SALL3: variants seen among roughly 807,000 people sequenced by gnomAD.
SALL3 encodes spalt like transcription factor 3, also known as sal-like protein 3.
A neutral mutation model predicts 66.2 loss-of-function variants in SALL3; 25 were observed. The ratio of observed to expected loss-of-function variants is 0.38; its 90% CI spans 0.28 to 0.53. The LOEUF (loss-of-function observed/expected upper bound fraction) is 0.53. Among genes scored for constraint, SALL3 ranks in the 20% least tolerant of loss-of-function variants. SALL3 has a pLI of 0.85. For missense variants in SALL3, 2,194 were observed against 1,916.5 expected (o/e 1.14, Z -2.70); for synonymous variants, 1,152 against 899.1 (o/e 1.28, Z -5.03).
At chr18:78,980,388 G>T (rs1225333550) in intron 1 of SALL3, 32 bp downstream of exon 1, 3 of 1,316,946 alleles carry the variant, frequency 2.3e-6, no homozygotes, top group Non-Finnish European at 2.0e-6. Flanking sequence ...TGGCCGGGGG[G>T]TCTGGGGCTG....
chr18:78,993,270 A>C lies in SALL3; in HGVS notation c.1279A>C (p.Lys427Gln). ...CAAGCACAAATGCCGCTTCTGCGCC[A>C]AGGTCTTCGGCAGCGACAGCGCGCT... Reference protein sequence around the residue: ...FFKHKCRFCAKVFGSDSALQI... With the variant: ...FFKHKCRFCAQVFGSDSALQI... Residue 427 changes from lysine to glutamine, a missense_variant, in exon 2 of 3, where the codon AAG (lysine) becomes CAG (glutamine). Transcript: ENST00000537592. 6.2e-7 allele frequency: 1 copy of C among 1,610,604 alleles called. No homozygotes were observed. Among genetic ancestry groups the C allele is most frequent in the South Asian group, 1.1e-5 (1 of 90,960 alleles).
rs746727495 is a variant in SALL3 at position 78,995,217 on chromosome 18, G to A, written c.3226G>A (p.Glu1076Lys). The change falls in exon 2 of 3, where the codon GAG becomes AAG. Residue 1076 changes from glutamate to lysine, a missense_variant. Physicochemically the swap from Glu to Lys is moderately conservative, Grantham distance 56. Transcript: ENST00000537592. ...NGHGKAMALG[E>K]GPPLPAGVQV... is the part of the protein sequence containing the mutation. ...TCACGGCAAGGCCATGGCGCTGGGC[G>A]AGGGTCCCCCGCTGCCCGCGGGCGT... The A allele has an allele frequency of 1.2e-5, 20 of 1,607,606 alleles. No individual in the cohort carries two copies. Among genetic ancestry groups the A allele is most frequent in the Non-Finnish European group, 5.1e-6 (6 of 1,179,914 alleles).
intron 1 of SALL3, among the ~76,000 whole-genome samples, chr18:78,984,375 A>C (rs1386972681): frequency 2.0e-5 from 3 of 151,860 alleles, no homozygotes; most frequent in Admixed American, 1.3e-4. Flanking sequence ...GATATGCACC[A>C]TCTTTCAGTG....
Position 78,993,207 on chromosome 18 carries a change from G to T in SALL3, c.1216G>T (p.Val406Leu). The change falls in exon 2 of 3, where the codon GTG becomes TTG. Residue 406 changes from valine (V) to leucine (L), a missense_variant. Coordinates refer to ENST00000537592, the MANE Select transcript of SALL3 (RefSeq NM_171999.4). ...CAAGGGCAAGCCGCCCAATGTGTCG[G>T]TGTTCGAGCCCAAAGCCAGCGCCGA... ...HRKGKPPNVS[V>L]FEPKASAEDP... The T allele has an allele frequency of 6.2e-7, 1 of 1,611,350 alleles. No individual in the cohort carries two copies. Among genetic ancestry groups the T allele is most frequent in the South Asian group, 1.1e-5 (1 of 90,902 alleles).
In SALL3 at chr18:78,979,836, A is replaced by G. The variant is rs1555704415; in HGVS notation, c.-439A>G. 7.0e-6 allele frequency among the ~76,000 whole-genome samples: 1 copy of G among 142,284 alleles called. No individual in the cohort carries two copies. The highest frequency in any genetic ancestry group is 1.6e-5 in the Non-Finnish European group (1 of 64,512). 93.3% of individuals were successfully genotyped at this position (142,284 alleles called of 152,430 possible). On this transcript the variant is annotated 5_prime_UTR_variant, in exon 1 of 3. Transcript: ENST00000537592. ...CGCCGGCGGAGACGGCGCCGCGCGG[A>G]CGCCGCCAAAGTTTGCTGCCTGCGC...
chr18:78,994,279 G>A lies in SALL3; in HGVS notation c.2288G>A (p.Gly763Asp), dbSNP rs530832810. 4 of 1,613,750 alleles carry A rather than the reference G, an allele frequency of 2.5e-6. No individual in the cohort carries two copies. In the Admixed American group the frequency reaches 6.7e-5, roughly 27 times the overall value. ...CAGCAGCACATCCGCATGCACATGGGCGGCCAGATCCCCAACACGCCGCTG... is the reference window on the plus strand; with the variant it reads ...CAGCAGCACATCCGCATGCACATGGACGGCCAGATCCCCAACACGCCGCTG... ...VLQQHIRMHMGGQIPNTPLPE... is the reference protein window; with the variant it reads ...VLQQHIRMHMDGQIPNTPLPE... The change falls in exon 2 of 3, where the codon GGC becomes GAC. Residue 763 changes from glycine (G) to aspartate (D), a missense_variant. Transcript: ENST00000537592.
chr18:78,987,200 T>G (rs551152827), intron 1 of SALL3, among the ~76,000 whole-genome samples: 2 of 152,288 alleles, frequency 1.3e-5, no homozygotes, highest in South Asian at 4.1e-4. Context: ...AAAAAGATCA[T>G]CCAGGCTAAA....
chr18:78,985,976 T>A (rs1317953948), intron 1 of SALL3, among the ~76,000 whole-genome samples: 1 of 152,220 alleles, frequency 6.6e-6, no homozygotes, highest in Non-Finnish European at 1.5e-5. Flanking sequence ...CTGACATATT[T>A]CAGGTCTGCG....
In SALL3 at chr18:78,994,337, G is replaced by A; in HGVS notation, c.2346G>A (p.Glu782=). The A allele has an allele frequency of 1.2e-6, 2 of 1,613,640 alleles. No homozygotes were observed. The highest frequency in any genetic ancestry group is 8.5e-7 in the Non-Finnish European group (1 of 1,180,020). ...PEGFQDAMDS[E]LAYDDKNAET... is the part of the protein sequence containing the mutation. The stretch of plus-strand genomic sequence containing the variant: ...GCTTCCAGGATGCCATGGACTCCGA[G>A]CTGGCCTACGACGACAAGAACGCGG... The change falls in exon 2 of 3, where the codon GAG becomes GAA. Residue 782 remains glutamate (E), a synonymous_variant. Transcript: ENST00000537592.
chr18:78,995,718 T>A (rs1914669883), intron 2 of SALL3, among the ~76,000 whole-genome samples: 1 of 152,118 alleles, frequency 6.6e-6, no homozygotes, highest in South Asian at 2.1e-4. Context: ...TGTGTGCATG[T>A]GTAGGTGCCC....
In SALL3 at chr18:78,998,104, A is replaced by G. The variant is rs955014660; in HGVS notation, c.*782A>G. ...TGGTCTGTAGCCCAATAACTGGGGA[A>G]CGAGTTACAGACAAACATCACCGTA... On this transcript the variant is annotated 3_prime_UTR_variant, in exon 3 of 3. Coordinates refer to ENST00000537592, the MANE Select transcript of SALL3 (RefSeq NM_171999.4). The G allele has an allele frequency of 1.3e-5, 2 of 152,116 alleles. No individual in the cohort carries two copies. The highest frequency in any genetic ancestry group is 6.6e-5 in the Admixed American group (1 of 15,212). 9.4% of individuals were successfully genotyped at this position (152,116 alleles called of 1,614,324 possible). A position where few individuals can be genotyped will look rare whatever the true frequency, so the allele number is the denominator to read the frequency against.
Position 78,984,176 on chromosome 18 carries a change from A to G in SALL3, c.82+3820A>G, listed in dbSNP as rs1218056825. Among the ~76,000 whole-genome samples, 8 of 152,320 alleles carry G rather than the reference A, an allele frequency of 5.3e-5. No individual in the cohort carries two copies. In the South Asian group the frequency reaches 1.5e-3, roughly 28 times the overall value. The stretch of plus-strand genomic sequence containing the variant: ...GGGTCAAATTTCATTTCCAACTGCA[A>G]TCTCTAAGAAGCTGTACCATTCATT... On this transcript the variant is annotated intron_variant, in intron 1 of 2. Coordinates refer to ENST00000537592, the MANE Select transcript of SALL3 (RefSeq NM_171999.4).
chr18:78,980,383 G>C lies in SALL3; in HGVS notation c.82+27G>C, dbSNP rs1027868835. Reference sequence around the variant, plus strand: ...TGAGGGCCGGGGCTGCGGGGTGGCCGGGGGGTCTGGGGCTGCCCGTCCGGG... The same window carrying C: ...TGAGGGCCGGGGCTGCGGGGTGGCCCGGGGGTCTGGGGCTGCCCGTCCGGG... On this transcript the variant is annotated intron_variant, in intron 1 of 2. Coordinates refer to ENST00000537592, the MANE Select transcript of SALL3 (RefSeq NM_171999.4). 7 of 1,332,854 alleles carry C rather than the reference G, an allele frequency of 5.3e-6. No homozygotes were observed. The Admixed American group carries it at 1.1e-4, about 21-fold the overall frequency. 82.6% of individuals were successfully genotyped at this position (1,332,854 alleles called of 1,614,324 possible). A position where few individuals can be genotyped will look rare whatever the true frequency, so the allele number is the denominator to read the frequency against.
chr18:78,994,656 C>T lies in SALL3; in HGVS notation c.2665C>T (p.Arg889Cys). Residue 889 changes from arginine to cysteine, a missense_variant, in exon 2 of 3, where the codon CGC becomes TGC. Arg to Cys is a radical substitution (Grantham distance 180). Coordinates refer to ENST00000537592, the MANE Select transcript of SALL3 (RefSeq NM_171999.4). ...SSSAVGDLESRSAGSPALSES... is the reference protein window; with the variant it reads ...SSSAVGDLESCSAGSPALSES... ...GTCGGCCGTGGGCGACCTGGAGAGC[C>T]GCAGCGCGGGCAGCCCCGCCCTGTC... The T allele has an allele frequency of 1.9e-6, 3 of 1,609,180 alleles. No individual in the cohort carries two copies. Among genetic ancestry groups the T allele is most frequent in the Non-Finnish European group, 1.7e-6 (2 of 1,178,796 alleles).
chr18:78,994,426 A>G lies in SALL3; in HGVS notation c.2435A>G (p.Lys812Arg). The stretch of plus-strand genomic sequence containing the variant: ...TCCATGGAGGACGACGCTGAGCTGA[A>G]GGACGCGGCCACCGACCCGGCCAAG... ...ENSMEDDAEL[K>R]DAATDPAKPL... The change falls in exon 2 of 3, where the codon AAG becomes AGG. Residue 812 changes from lysine to arginine, a missense_variant. Transcript: ENST00000537592. 1 of 1,612,610 alleles carries G rather than the reference A, an allele frequency of 6.2e-7. No homozygotes were observed. The highest frequency in any genetic ancestry group is 8.5e-7 in the Non-Finnish European group (1 of 1,179,944).
chr18:78,990,813 C>A (rs942340971), intron 1 of SALL3, among the ~76,000 whole-genome samples: 1 of 152,166 alleles, frequency 6.6e-6, no homozygotes, highest in Non-Finnish European at 1.5e-5. Context: ...AATATCCAGG[C>A]GAGCACAGAG....
chr18:78,981,650 G>A (rs1337343628), intron 1 of SALL3, among the ~76,000 whole-genome samples: 2 of 152,320 alleles, frequency 1.3e-5, no homozygotes, highest in African/African-American at 2.4e-5. Context: ...GTGGAGGTAA[G>A]GGAGTCTTAT....
In SALL3 at chr18:78,979,899, C is replaced by T. The variant is rs1476973780; in HGVS notation, c.-376C>T. Among the ~76,000 whole-genome samples the T allele has an allele frequency of 6.9e-6, 1 of 144,510 alleles. No homozygotes were observed. The highest frequency in any genetic ancestry group is 2.5e-5 in the African/African-American group (1 of 40,336). 94.8% of individuals were successfully genotyped at this position (144,510 alleles called of 152,430 possible). On this transcript the variant is annotated 5_prime_UTR_variant, in exon 1 of 3. Coordinates refer to ENST00000537592, the MANE Select transcript of SALL3 (RefSeq NM_171999.4). ...CGGCCACCGCGGCCCGCGCCGCACCCGGGCCCCGCCACAGCCGCACCCGGG... is the reference window on the plus strand; with the variant it reads ...CGGCCACCGCGGCCCGCGCCGCACCTGGGCCCCGCCACAGCCGCACCCGGG...
At position 78,993,779 on chromosome 18, in the gene SALL3, C is replaced by A; in HGVS notation, c.1788C>A (p.Ala596=). Residue 596 remains alanine (A), a synonymous_variant, in exon 2 of 3, where the codon GCC becomes GCA. Coordinates refer to ENST00000537592, the MANE Select transcript of SALL3 (RefSeq NM_171999.4). The part of the protein sequence containing the change: ...SLLGGPPLTK[A]EPVSLPCTNA... ...TCGGCGGGCCGCCCCTCACTAAAGC[C>A]GAGCCCGTCAGCCTGCCCTGCACCA... 6.4e-7 allele frequency: 1 copy of A among 1,550,452 alleles called. No homozygotes were observed. Among genetic ancestry groups the A allele is most frequent in the Non-Finnish European group, 8.6e-7 (1 of 1,156,486 alleles).
Sources: gnomAD v4.1 joint callset for allele counts (sites outside exome capture counted in the v4.1 genomes callset) on GRCh38, gnomAD v4.1.1 for gene constraint, MANE v1.5 for transcripts, NCBI Gene and HGNC (gene_info 2026-07-23, HGNC 2026-07-21) for gene names.